Variants in MAPK6 observed in about 807,000 individuals in gnomAD.
MAPK6 encodes the protein mitogen-activated protein kinase 6.
A neutral mutation model predicts 59.3 loss-of-function variants in MAPK6; 19 were observed. The ratio of observed to expected loss-of-function variants is 0.32; its 90% CI spans 0.22 to 0.47. The LOEUF is 0.47. Ranked by LOEUF, MAPK6 falls within the 20% of genes least tolerant of loss-of-function variation. MAPK6 has a pLI of 1.00. For synonymous variants in MAPK6, 316 were observed against 290.3 expected (o/e 1.09, Z -0.90); for missense variants, 724 against 847.9 (o/e 0.85, Z 1.81).
chr15:51,982,787 T>C (rs1254948924), intron 1 of MAPK6, among the ~76,000 whole-genome samples: 1 of 152,228 alleles, frequency 6.6e-6, no homozygotes, highest in Non-Finnish European at 1.5e-5. Flanking sequence ...TAATCATTTA[T>C]ATAAAGTAAC....
chr15:52,013,284 C>G (rs572245288), intron 3 of MAPK6, among the ~76,000 whole-genome samples: 1 of 151,782 alleles, frequency 6.6e-6, no homozygotes, highest in African/African-American at 2.4e-5. Context: ...TGTAATGACT[C>G]ACTTGAAGAG....
chr15:52,046,688 C>T lies in MAPK6; in HGVS notation c.228C>T (p.Asn76=), dbSNP rs1595997305. 1 of 1,614,126 alleles carries T rather than the reference C, an allele frequency of 6.2e-7. No homozygotes were observed. The highest frequency in any genetic ancestry group is 8.5e-7 in the Non-Finnish European group (1 of 1,179,992). Reference sequence around the variant, plus strand: ...TTATTAGAAGACTTGACCATGATAACATTGTGAAAGTGTTTGAGATTCTTG... The same window carrying T: ...TTATTAGAAGACTTGACCATGATAATATTGTGAAAGTGTTTGAGATTCTTG... ...IKIIRRLDHD[N]IVKVFEILGP... Residue 76 remains asparagine, a synonymous_variant, in exon 2 of 6, where the codon AAC becomes AAT. Coordinates refer to ENST00000261845, the MANE Select transcript of MAPK6 (RefSeq NM_002748.4).
rs2030077849 is a variant in MAPK6 at position 52,012,277 on chromosome 15, G to A, written c.-632+7875G>A. 2.0e-5 allele frequency among the ~76,000 whole-genome samples: 3 copies of A among 152,148 alleles called. No individual in the cohort carries two copies. The South Asian group carries it at 6.2e-4, about 32-fold the overall frequency. ...ACACCCTGCCTGAATGTCTCCTAAT[G>A]AATTACTCTAATTTGCTATGTGTGG... On this transcript the variant is annotated intron_variant, in intron 3 of 7. Transcript: ENST00000691380.
At position 52,019,219 on chromosome 15, in the gene MAPK6, C is replaced by G. The variant is rs1023193353; in HGVS notation, c.-789C>G. 6.6e-6 allele frequency: 1 copy of G among 152,056 alleles called. No individual in the cohort carries two copies. The highest frequency in any genetic ancestry group is 1.5e-5 in the Non-Finnish European group (1 of 67,988). 9.4% of individuals were successfully genotyped at this position (152,056 alleles called of 1,614,324 possible). On this transcript the variant is annotated 5_prime_UTR_variant, in exon 1 of 6. Coordinates refer to ENST00000261845, the MANE Select transcript of MAPK6 (RefSeq NM_002748.4). ...GTGGCACCGCGAAGCCCCGCCCCCT[C>G]TTCCTCGCCCTCTCTCGCGGGTCGG...
chr15:51,978,982 ACC>A (rs1397736029), intron 1 of MAPK6, among the ~76,000 whole-genome samples: 1 of 151,220 alleles, frequency 6.6e-6, no homozygotes, highest in Non-Finnish European at 1.5e-5. Flanking sequence ...ATAGTGGCTC[ACC>A]CCTGTAGTCC....
At chr15:52,016,076 A>G (rs1239783736), upstream of MAPK6, among the ~76,000 whole-genome samples, 675 of 102,210 alleles carry the variant, frequency 6.6e-3, 6 homozygotes, top group African/African-American at 0.019. Flanking sequence ...GCGCGCACAC[A>G]CACACACACA....
chr15:52,016,070 G>GCGCGCGCGCGCGCGCACACA, upstream of MAPK6, among the ~76,000 whole-genome samples: 2 of 55,390 alleles, frequency 3.6e-5, no homozygotes, highest in Non-Finnish European at 6.8e-5. Flanking sequence ...GCGCGCGCGC[G>GCGCGCGCGCGCGCGCACACA]CACACACACA....
upstream of MAPK6, among the ~76,000 whole-genome samples, chr15:52,015,370 C>T (rs1322901101): frequency 1.3e-5 from 2 of 152,156 alleles, no homozygotes; most frequent in African/African-American, 4.8e-5. Context: ...TGGTCCTGAA[C>T]TACTGACCTC....
rs1362297704 is a variant in MAPK6, at chr15:52,046,468, A to G, written c.8A>G (p.Glu3Gly). The change falls in exon 2 of 6, where the codon GAG (glutamate) becomes GGG (glycine). Residue 3 changes from glutamate (E) to glycine (G), a missense_variant. Physicochemically the swap from Glu to Gly is moderately conservative, Grantham distance 98 (BLOSUM62 -2). Transcript: ENST00000261845. ...AATAGTAAGGGTTTCAAAATGGCAGAGAAATTTGAAAGTCTCATGAACATT... is the reference window on the plus strand; with the variant it reads ...AATAGTAAGGGTTTCAAAATGGCAGGGAAATTTGAAAGTCTCATGAACATT... Reference protein sequence around the residue: MAEKFESLMNIHG... With the variant: MAGKFESLMNIHG... 6 of 1,595,678 alleles carry G rather than the reference A, an allele frequency of 3.8e-6. No homozygotes were observed. The highest frequency in any genetic ancestry group is 5.1e-6 in the Non-Finnish European group (6 of 1,171,480).
intron 1 of MAPK6, among the ~76,000 whole-genome samples, chr15:52,028,377 G>T (rs552046498): frequency 7.9e-5 from 12 of 152,036 alleles, no homozygotes; most frequent in Non-Finnish European, 1.3e-4. Flanking sequence ...GTGAGCCATC[G>T]CACCCTGCCA....
chr15:52,057,302 G>C (rs184629164), intron 3 of MAPK6: 2 of 151,860 alleles, frequency 1.3e-5, no homozygotes, highest in Admixed American at 1.3e-4. Flanking sequence ...CAAACTGCAT[G>C]ATGGCTTTCC....
At chr15:52,052,647 C>T (rs1272924916) in intron 3 of MAPK6, among the ~76,000 whole-genome samples, 2 of 152,136 alleles carry the variant, frequency 1.3e-5, no homozygotes, top group Non-Finnish European at 1.5e-5. Context: ...TTTCAGATAA[C>T]ATTTGGACTT....
In MAPK6 at chr15:52,065,190, T is replaced by A; in HGVS notation, c.*190T>A. 1.9e-6 allele frequency: 1 copy of A among 520,966 alleles called. No homozygotes were observed. Among genetic ancestry groups the A allele is most frequent in the Non-Finnish European group, 3.2e-6 (1 of 308,812 alleles). 32.3% of individuals were successfully genotyped at this position (520,966 alleles called of 1,614,324 possible). ...GATAGTTTTCATTTTAACTGGCATG[T>A]CATTTGCACACAAAAATAAAGACTA... On this transcript the variant is annotated 3_prime_UTR_variant, in exon 6 of 6. Transcript: ENST00000261845.
At position 52,030,611 on chromosome 15, in the gene MAPK6, C is replaced by CTTT. The variant is rs11295636; in HGVS notation, c.-632+11263_-632+11265dup. On this transcript the variant is annotated intron_variant, in intron 1 of 5. Transcript: ENST00000261845. ...TGTGTTTTAGTTATGCAGAAGAAGG[C>CTTT]TTTTTTTTTTTTTTTTTTTTTTTTT... Among the ~76,000 whole-genome samples, 127 of 35,748 alleles carry CTTT rather than the reference C, an allele frequency of 3.6e-3. 24 individuals are homozygous for CTTT. The highest frequency in any genetic ancestry group is 0.012 in the African/African-American group (103 of 8,786). The allele number at this position is 35,748 out of a possible 152,430, so 23.5% of individuals were successfully genotyped here. A position where few individuals can be genotyped will look rare whatever the true frequency, so the allele number is the denominator to read the frequency against.
At chr15:52,063,365 G>T (rs2032280605) in intron 5 of MAPK6, among the ~76,000 whole-genome samples, 2 of 152,290 alleles carry the variant, frequency 1.3e-5, no homozygotes, top group South Asian at 4.1e-4. Flanking sequence ...CACCTGACCT[G>T]CATTTTCTAT....
intron 1 of MAPK6, chr15:52,033,889 C>G (rs1444697772): frequency 1.3e-5 from 2 of 149,598 alleles, no homozygotes; most frequent in African/African-American, 4.9e-5. Context: ...TTCATTGTTT[C>G]TAGTGATAAA....
intron 3 of MAPK6, among the ~76,000 whole-genome samples, chr15:52,051,341 G>A (rs1304795447): frequency 6.6e-6 from 1 of 152,016 alleles, no homozygotes; most frequent in Non-Finnish European, 1.5e-5. Context: ...ACAGGCGTGA[G>A]CCACCCCACC....
intron 3 of MAPK6, among the ~76,000 whole-genome samples, chr15:52,005,066 G>A (rs1303931149): frequency 2.0e-5 from 3 of 152,134 alleles, no homozygotes; most frequent in South Asian, 2.1e-4. Flanking sequence ...GCATGTGAAC[G>A]CTACACTTTA....
At chr15:52,058,240 A>G (rs1434082131) in intron 3 of MAPK6, among the ~76,000 whole-genome samples, 1 of 152,170 alleles carries the variant, frequency 6.6e-6, no homozygotes, top group Non-Finnish European at 1.5e-5. Flanking sequence ...CCAACCCTTC[A>G]TTTCATTGAT....
Sources: allele counts gnomAD v4.1 joint callset (sites outside exome capture counted in the v4.1 genomes callset), GRCh38; gene constraint gnomAD v4.1.1; transcripts MANE v1.5; gene names NCBI Gene and HGNC (gene_info 2026-07-23, HGNC 2026-07-21).